The following SRPK2 variants were observed in gnomAD, a reference collection of about 807,000 sequenced individuals.
SRPK2 encodes SRSF protein kinase 2.
Under a neutral mutation model 90.8 loss-of-function variants are expected in SRPK2, and 21 were observed. That is an observed-to-expected ratio of 0.23 (90% CI 0.16 to 0.33). The LOEUF (loss-of-function observed/expected upper bound fraction) is 0.33, where lower values mean the gene tolerates loss of function less well. Ranked by LOEUF, SRPK2 falls within the 10% of genes least tolerant of loss-of-function variation. The pLI is 1.00. For missense variants in SRPK2, 620 were observed against 869.0 expected, an observed-to-expected ratio of 0.71 and a Z score of 3.60; for synonymous variants, 288 against 311.1, an observed-to-expected ratio of 0.93 and a Z score of 0.78.
At chr7:105,201,845 T>C (rs994107960) in intron 3 of SRPK2, among the ~76,000 whole-genome samples, 1 of 151,740 alleles carries the variant, frequency 6.6e-6, no homozygotes, top group Non-Finnish European at 1.5e-5. Context: ...GATCACGCCA[T>C]TGCACTCCAG....
At chr7:105,266,882 A>G (rs561151967) in intron 2 of SRPK2, among the ~76,000 whole-genome samples, 1 of 152,328 alleles carries the variant, frequency 6.6e-6, no homozygotes, top group South Asian at 2.1e-4. Context: ...CTTTTAATAA[A>G]AAGTAGGGGC....
chr7:105,207,387 C>T (rs1796344314), intron 2 of SRPK2, among the ~76,000 whole-genome samples: 1 of 152,074 alleles, frequency 6.6e-6, no homozygotes, highest in Admixed American at 6.6e-5. Flanking sequence ...AAGACCAAGA[C>T]ATGACAGGTT....
chr7:105,318,714 T>C (rs1812580132), intron 2 of SRPK2, among the ~76,000 whole-genome samples: 1 of 152,246 alleles, frequency 6.6e-6, no homozygotes, highest in Admixed American at 6.5e-5. Flanking sequence ...AACACGCTTC[T>C]CACCATCCCC....
At chr7:105,273,223 A>AG (rs1806067888) in intron 2 of SRPK2, among the ~76,000 whole-genome samples, 1 of 151,732 alleles carries the variant, frequency 6.6e-6, no homozygotes, top group African/African-American at 2.4e-5. Flanking sequence ...TCAAAAAAAA[A>AG]AAAGAAAAAA....
rs896530435 is a variant in SRPK2 at position 105,221,708 on chromosome 7, C to T, written c.72-17923G>A. Among the ~76,000 whole-genome samples the T allele has an allele frequency of 3.3e-4, 50 of 152,110 alleles. 1 individual carries two copies. The highest frequency in any genetic ancestry group is 1.1e-3 in the African/African-American group (47 of 41,428). On this transcript the variant is annotated intron_variant, in intron 2 of 15. Coordinates refer to ENST00000393651, the MANE Select transcript of SRPK2 (RefSeq NM_182692.3). ...CATATCCTTTGCCATCTATCTGTGGCGCCACATCCCTCTCCCCACTCAACC... is the reference window on the plus strand; with the variant it reads ...CATATCCTTTGCCATCTATCTGTGGTGCCACATCCCTCTCCCCACTCAACC...
At chr7:105,209,607 A>T (rs1408646551) in intron 2 of SRPK2, among the ~76,000 whole-genome samples, 2 of 151,854 alleles carry the variant, frequency 1.3e-5, no homozygotes, top group African/African-American at 4.8e-5. Flanking sequence ...GGGAAAGGAA[A>T]AAGGAAAGGG....
At chr7:105,183,706 T>C (rs1175186544) in intron 3 of SRPK2, among the ~76,000 whole-genome samples, 1 of 152,012 alleles carries the variant, frequency 6.6e-6, no homozygotes, top group Non-Finnish European at 1.5e-5. Context: ...GTCAGGCTGG[T>C]CTACAATTCC....
intron 15 of SRPK2, among the ~76,000 whole-genome samples, chr7:105,121,134 G>A (rs1295766339): frequency 1.3e-5 from 2 of 152,170 alleles, no homozygotes; most frequent in Admixed American, 1.3e-4. Flanking sequence ...GATCACCTGA[G>A]GTCAGGAGTT....
At chr7:105,158,671 C>T (rs1054715448) in intron 7 of SRPK2, among the ~76,000 whole-genome samples, 2 of 152,188 alleles carry the variant, frequency 1.3e-5, no homozygotes, top group African/African-American at 4.8e-5. Context: ...GCGGGAAATA[C>T]ATGCAGGCAG....
chr7:105,284,560 A>G (rs1316293237), intron 2 of SRPK2, among the ~76,000 whole-genome samples: 7 of 152,188 alleles, frequency 4.6e-5, no homozygotes, highest in Admixed American at 6.5e-5. Flanking sequence ...AAAAAATCTT[A>G]TATCATGCTG....
chr7:105,189,027 A>G (rs1415151459), intron 3 of SRPK2, among the ~76,000 whole-genome samples: 3 of 152,184 alleles, frequency 2.0e-5, no homozygotes, highest in African/African-American at 7.2e-5. Context: ...CCACCATGTT[A>G]ATTGTCGACA....
At chr7:105,318,904 C>T (rs1263093808) in intron 2 of SRPK2, among the ~76,000 whole-genome samples, 1 of 152,284 alleles carries the variant, frequency 6.6e-6, no homozygotes, top group South Asian at 2.1e-4. Context: ...CCACTGTATT[C>T]CAAAGAATAG....
intron 2 of SRPK2, among the ~76,000 whole-genome samples, chr7:105,229,664 T>G (rs781225393): frequency 6.6e-6 from 1 of 152,248 alleles, no homozygotes; most frequent in Non-Finnish European, 1.5e-5. Context: ...TATCATAGAG[T>G]AGGAATAAGT....
intron 2 of SRPK2, among the ~76,000 whole-genome samples, chr7:105,240,762 T>A (rs1187024647): frequency 2.6e-5 from 4 of 152,136 alleles, no homozygotes; most frequent in African/African-American, 9.7e-5. Flanking sequence ...TTACCATCAA[T>A]TTTTTTCTGT....
At chr7:105,343,308 C>A (rs984326287) in intron 2 of SRPK2, among the ~76,000 whole-genome samples, 10 of 152,112 alleles carry the variant, frequency 6.6e-5, no homozygotes, top group Non-Finnish European at 7.3e-5. Context: ...ATGGCACGTG[C>A]CTGTAGTCCC....
chr7:105,216,423 C>T (rs997354942), intron 2 of SRPK2, among the ~76,000 whole-genome samples: 7 of 151,888 alleles, frequency 4.6e-5, no homozygotes, highest in Non-Finnish European at 7.4e-5. Flanking sequence ...ATTCTTATCA[C>T]CCCCCAAAAA....
intron 13 of SRPK2, among the ~76,000 whole-genome samples, chr7:105,128,240 C>A (rs1056483535): frequency 2.0e-5 from 3 of 152,074 alleles, no homozygotes; most frequent in African/African-American, 7.2e-5. Flanking sequence ...TCCAGCTGAC[C>A]GAGCGATAAG....
At chr7:105,274,583 C>T (rs1428221412) in intron 2 of SRPK2, among the ~76,000 whole-genome samples, 1 of 150,488 alleles carries the variant, frequency 6.6e-6, no homozygotes, top group African/African-American at 2.4e-5. Context: ...TATAAAAAGA[C>T]GGATGAATAG....
At chr7:105,379,162 T>C (rs1820651851) in intron 2 of SRPK2, among the ~76,000 whole-genome samples, 1 of 146,580 alleles carries the variant, frequency 6.8e-6, no homozygotes. Context: ...AAAAAATATA[T>C]ATATATATAT....
Sources: gnomAD v4.1 joint callset for allele counts (sites outside exome capture counted in the v4.1 genomes callset) on GRCh38, gnomAD v4.1.1 for gene constraint, MANE v1.5 for transcripts, NCBI Gene and HGNC (gene_info 2026-07-23, HGNC 2026-07-21) for gene names.